CYTH3: variants seen among roughly 807,000 people sequenced by gnomAD.
CYTH3 encodes cytohesin-3.
CYTH3 carries 23 observed loss-of-function variants against 55.1 expected under a neutral mutation model. The observed-to-expected ratio is 0.42, with a 90% CI of 0.30 to 0.59. The LOEUF is 0.59. Ranked by LOEUF, CYTH3 falls within the 20% of genes least tolerant of loss-of-function variation. The pLI is 0.20. For missense variants in CYTH3, 413 were observed against 524.8 expected (o/e 0.79, Z 2.08); for synonymous variants, 249 against 194.9 (o/e 1.28, Z -2.31).
chr7:6,196,087 G>GCTTC (rs1271268249), intron 1 of CYTH3, among the ~76,000 whole-genome samples: 1 of 152,126 alleles, frequency 6.6e-6, no homozygotes, highest in East Asian at 1.9e-4. Context: ...GAAACTACAT[G>GCTTC]CTTCCTTAGT....
intron 1 of CYTH3, among the ~76,000 whole-genome samples, chr7:6,219,210 T>C (rs984410005): frequency 1.3e-5 from 2 of 152,102 alleles, no homozygotes; most frequent in Admixed American, 6.6e-5. Context: ...GCAGAAAACA[T>C]AGCTGAATTA....
chr7:6,173,100 G>T, intron 6 of CYTH3: 1 of 1,005,918 alleles, frequency 9.9e-7, no homozygotes, highest in Non-Finnish European at 1.2e-6. Context: ...GCCCAGAACA[G>T]ATGAAGAGCC....
chr7:6,164,915 CT>C lies in CYTH3; in HGVS notation c.*28del. 1 of 1,614,106 alleles carries C rather than the reference CT, an allele frequency of 6.2e-7. No homozygotes were observed. Among genetic ancestry groups the C allele is most frequent in the South Asian group, 1.1e-5 (1 of 91,072 alleles). ...CGGTGTCTTTCTGCTGGGGTTGGGT[CT>C]TTTACCTGGGTCTTTTAGCCAGGAA... On this transcript the variant is annotated 3_prime_UTR_variant, in exon 13 of 13. Coordinates refer to ENST00000350796, the MANE Select transcript of CYTH3 (RefSeq NM_004227.4).
chr7:6,269,520 A>T (rs975401704), intron 1 of CYTH3, among the ~76,000 whole-genome samples: 6 of 152,202 alleles, frequency 3.9e-5, no homozygotes, highest in Admixed American at 1.3e-4. Context: ...CAGGACCATC[A>T]ATCAGACAAA....
chr7:6,231,784 T>G (rs1043277820), intron 1 of CYTH3, among the ~76,000 whole-genome samples: 2 of 152,184 alleles, frequency 1.3e-5, no homozygotes, highest in African/African-American at 2.4e-5. Flanking sequence ...CATTTATAAT[T>G]GGAAAATTGT....
Position 6,165,826 on chromosome 7 carries a change from C to T in CYTH3, c.824-16G>A, listed in dbSNP as rs778705101. On this transcript the variant is annotated splice_polypyrimidine_tract_variant and intron_variant, in intron 9 of 12. Transcript: ENST00000350796. ...ACACGCCCTCCTAGAAGCAGAAGGGCCCCGTGAGTCTGCGCTCCGTGCACA... is the reference window on the plus strand; with the variant it reads ...ACACGCCCTCCTAGAAGCAGAAGGGTCCCGTGAGTCTGCGCTCCGTGCACA... The T allele has an allele frequency of 6.2e-7, 1 of 1,613,806 alleles. No individual in the cohort carries two copies. Among genetic ancestry groups the T allele is most frequent in the East Asian group, 2.2e-5 (1 of 44,882 alleles).
intron 1 of CYTH3, among the ~76,000 whole-genome samples, chr7:6,233,181 A>G (rs186855021): frequency 8.5e-5 from 13 of 152,300 alleles, no homozygotes; most frequent in Non-Finnish European, 1.5e-4. Flanking sequence ...TCAGCACACC[A>G]GTATACTCAA....
At chr7:6,180,116 G>A (rs1368575183) in intron 4 of CYTH3, among the ~76,000 whole-genome samples, 2 of 152,204 alleles carry the variant, frequency 1.3e-5, no homozygotes, top group Non-Finnish European at 2.9e-5. Flanking sequence ...GGTGGGAGGA[G>A]AGACAGGACA....
intron 1 of CYTH3, among the ~76,000 whole-genome samples, chr7:6,213,156 G>T (rs1784358437): frequency 6.6e-6 from 1 of 152,226 alleles, no homozygotes; most frequent in Admixed American, 6.5e-5. Context: ...CAAGAACCGT[G>T]ACTAGCACAT....
chr7:6,247,697 G>T (rs1366587235), intron 1 of CYTH3, among the ~76,000 whole-genome samples: 1 of 152,058 alleles, frequency 6.6e-6, no homozygotes, highest in East Asian at 1.9e-4. Context: ...AGGCTGGAGT[G>T]CAGTGCTACA....
chr7:6,177,784 G>A lies in CYTH3; in HGVS notation c.368+39C>T, dbSNP rs768151376. 3.3e-6 allele frequency: 5 copies of A among 1,493,970 alleles called. No homozygotes were observed. The South Asian group carries it at 4.5e-5, about 13-fold the overall frequency. The allele number at this position is 1,493,970 out of a possible 1,614,324, so 92.5% of individuals were successfully genotyped here. A position where few individuals can be genotyped will look rare whatever the true frequency, so the allele number is the denominator to read the frequency against. On this transcript the variant is annotated intron_variant, in intron 5 of 12. Coordinates refer to ENST00000350796, the MANE Select transcript of CYTH3 (RefSeq NM_004227.4). ...AGCCTAGGTCAAGCTGCAGGGCTGA[G>A]TGGCCCCAGGTAGGGCTTTGCATCC...
intron 1 of CYTH3, among the ~76,000 whole-genome samples, chr7:6,257,650 A>G (rs948760538): frequency 2.0e-5 from 3 of 152,220 alleles, no homozygotes; most frequent in African/African-American, 7.2e-5. Flanking sequence ...TGGTTAATGA[A>G]TATTTATGGC....
chr7:6,169,098 A>G lies in CYTH3; in HGVS notation c.823+1437T>C, dbSNP rs2128536747. 6.6e-6 allele frequency among the ~76,000 whole-genome samples: 1 copy of G among 152,368 alleles called. No individual in the cohort carries two copies. Among genetic ancestry groups the G allele is most frequent in the Non-Finnish European group, 1.5e-5 (1 of 68,028 alleles). On this transcript the variant is annotated intron_variant, in intron 9 of 12. Transcript: ENST00000350796. The surrounding 1 kb of genome is among the most constrained non-coding windows in gnomAD (Gnocchi z 4.1). ...AACTCCCCTAAACCTCGGTACAGCC[A>G]GAAAAAAGTCAAAGAGCAATGGCCA...
At position 6,164,087 on chromosome 7, in the gene CYTH3, G is replaced by C. The variant is rs1423695053; in HGVS notation, c.*857C>G. 6.6e-6 allele frequency: 1 copy of C among 152,164 alleles called. No homozygotes were observed. 9.4% of individuals were successfully genotyped at this position (152,164 alleles called of 1,614,324 possible). On this transcript the variant is annotated 3_prime_UTR_variant, in exon 13 of 13. Transcript: ENST00000350796. ...TTTTAATGATTTGCTTAAAGTATTT[G>C]TGGGGCCAAAAAGCCTGGTTGAAGG...
At position 6,259,765 on chromosome 7, in the gene CYTH3, AT is replaced by A. The variant is rs1307002571; in HGVS notation, c.34+12708del. On this transcript the variant is annotated intron_variant, in intron 1 of 12. Transcript: ENST00000350796. ...TATAATATATATATATATTATATAT[AT>A]ATATATTATATATATATAATATATA... 4.9e-3 allele frequency among the ~76,000 whole-genome samples: 123 copies of A among 24,964 alleles called. 7 individuals carry two copies. Among genetic ancestry groups the A allele is most frequent in the African/African-American group, 6.0e-3 (16 of 2,664 alleles). 16.4% of individuals were successfully genotyped at this position (24,964 alleles called of 152,430 possible).
intron 9 of CYTH3, 77 bp from the exon 10 acceptor site, chr7:6,165,887 G>T: frequency 7.0e-7 from 1 of 1,427,742 alleles, no homozygotes; most frequent in Non-Finnish European, 9.8e-7. Flanking sequence ...CCCTGGACCT[G>T]CACAGACCAC....
At chr7:6,228,323 T>A (rs1779302733) in intron 1 of CYTH3, among the ~76,000 whole-genome samples, 1 of 152,248 alleles carries the variant, frequency 6.6e-6, no homozygotes, top group South Asian at 2.1e-4. Flanking sequence ...CTTTAAAGCT[T>A]ATGCTTTTCC....
intron 4 of CYTH3, 137 bp downstream of exon 4, chr7:6,186,912 TA>T: frequency 2.3e-6 from 2 of 862,030 alleles, no homozygotes; most frequent in South Asian, 3.2e-5. Flanking sequence ...CCCTTTTTGA[TA>T]AAAATGTGCC....
intron 4 of CYTH3, 124 bp from the exon 5 acceptor site, chr7:6,178,065 AC>A: frequency 1.5e-6 from 1 of 678,334 alleles, no homozygotes; most frequent in South Asian, 1.9e-5. Context: ...TACCAGAGAC[AC>A]CCATACAACT....
Sources: allele counts gnomAD v4.1 joint callset (sites outside exome capture counted in the v4.1 genomes callset), GRCh38; gene constraint gnomAD v4.1.1; non-coding constraint Gnocchi (gnomAD v3.1); transcripts MANE v1.5; gene names NCBI Gene and HGNC (gene_info 2026-07-23, HGNC 2026-07-21).